Variants in SNX29 observed in about 807,000 individuals in gnomAD.
The protein encoded by SNX29 is sorting nexin-29.
Under a neutral mutation model 102.1 loss-of-function variants are expected in SNX29, and 78 were observed. That is an observed-to-expected ratio of 0.76 (90% CI 0.64 to 0.92). The LOEUF is 0.92. Ranked by LOEUF, SNX29 falls within the 40% of genes least tolerant of loss-of-function variation. SNX29 has a pLI of 0.00. For synonymous variants in SNX29, 580 were observed against 414.5 expected, an observed-to-expected ratio of 1.40 and a Z score of -4.85; for missense variants, 1,280 against 1,061.7, an observed-to-expected ratio of 1.21 and a Z score of -2.86.
At chr16:12,175,389 G>A (rs1324888760) in intron 13 of SNX29, among the ~76,000 whole-genome samples, 2 of 152,140 alleles carry the variant, frequency 1.3e-5, no homozygotes, top group African/African-American at 4.8e-5. Context: ...ATGCCTTTGG[G>A]AGACCATGGC....
At chr16:12,214,305 G>A (rs746840507) in intron 14 of SNX29, among the ~76,000 whole-genome samples, 1 of 152,238 alleles carries the variant, frequency 6.6e-6, no homozygotes, top group South Asian at 2.1e-4. Flanking sequence ...AAGGAGGCCA[G>A]ACGTATATTT....
At chr16:12,308,059 T>C (rs118013536) in intron 15 of SNX29, among the ~76,000 whole-genome samples, 3 of 152,312 alleles carry the variant, frequency 2.0e-5, no homozygotes, top group East Asian at 1.9e-4. Flanking sequence ...ACAGACAGGG[T>C]CTACCTCAGC....
chr16:12,568,579 G>C lies in SNX29; in HGVS notation c.2392G>C (p.Gly798Arg), dbSNP rs780103695. The C allele has an allele frequency of 1.9e-6, 3 of 1,607,232 alleles. No homozygotes were observed. The highest frequency in any genetic ancestry group is 1.1e-5 in the South Asian group (1 of 91,070). ...TTCCCGCTTCCCCAAACTGTCCCGG[G>C]GTCAGCCCCGGGAGACCCGCAACGT... ...AASRFPKLSR[G>R]QPRETRNVEP... is the part of the protein sequence containing the mutation. The change falls in exon 21 of 21, where the codon GGT becomes CGT. Residue 798 changes from glycine (G) to arginine (R), a missense_variant. Gly to Arg is a moderately radical substitution (Grantham distance 125). Coordinates refer to ENST00000566228, the MANE Select transcript of SNX29 (RefSeq NM_032167.5).
intron 20 of SNX29, among the ~76,000 whole-genome samples, chr16:12,549,337 A>C (rs552531753): frequency 1.2e-4 from 18 of 152,328 alleles, no homozygotes; most frequent in African/African-American, 4.1e-4. Context: ...TCTACCAAAA[A>C]TACAAAAATT....
chr16:12,552,129 C>T (rs1172519037), intron 20 of SNX29, among the ~76,000 whole-genome samples: 1 of 152,190 alleles, frequency 6.6e-6, no homozygotes, highest in Non-Finnish European at 1.5e-5. Context: ...TACGGAAATG[C>T]CTGAGAGGCC....
chr16:12,036,764 G>A (rs552642255), intron 4 of SNX29, among the ~76,000 whole-genome samples: 1 of 152,140 alleles, frequency 6.6e-6, no homozygotes, highest in Non-Finnish European at 1.5e-5. Context: ...CTCAGCACCT[G>A]GTGTGTTCTT....
chr16:12,417,982 G>A (rs1425407523), intron 18 of SNX29, among the ~76,000 whole-genome samples: 1 of 152,130 alleles, frequency 6.6e-6, no homozygotes, highest in Non-Finnish European at 1.5e-5. Context: ...TGAGCTCCTG[G>A]GAAGGGGAAG....
chr16:12,558,393 G>A (rs578206621), intron 20 of SNX29, among the ~76,000 whole-genome samples: 4 of 152,302 alleles, frequency 2.6e-5, no homozygotes, highest in African/African-American at 7.2e-5. Flanking sequence ...TACATAGAGT[G>A]ATATGTTAGC....
intron 16 of SNX29, among the ~76,000 whole-genome samples, chr16:12,360,129 C>T (rs1246177725): frequency 6.6e-6 from 1 of 152,162 alleles, no homozygotes. Context: ...TGGCCTAACA[C>T]CTATTGTTAA....
intron 13 of SNX29, among the ~76,000 whole-genome samples, chr16:12,139,079 G>T (rs943997520): frequency 6.6e-6 from 1 of 151,164 alleles, no homozygotes; most frequent in Non-Finnish European, 1.5e-5. Context: ...GTGTGTACCT[G>T]TAATCCCAGC....
chr16:12,033,610 C>CTTT (rs869128492), intron 4 of SNX29, among the ~76,000 whole-genome samples: 1 of 140,116 alleles, frequency 7.1e-6, no homozygotes, highest in Admixed American at 7.2e-5. Flanking sequence ...TTTCTTTTTT[C>CTTT]TTTTTTTTTT....
At chr16:12,348,846 C>G (rs1476968388) in intron 15 of SNX29, among the ~76,000 whole-genome samples, 2 of 152,176 alleles carry the variant, frequency 1.3e-5, no homozygotes, top group Non-Finnish European at 2.9e-5. Flanking sequence ...CCACTCACCT[C>G]CCAGGGGAGT....
At chr16:12,431,464 T>C (rs1001575409) in intron 18 of SNX29, among the ~76,000 whole-genome samples, 1 of 151,980 alleles carries the variant, frequency 6.6e-6, no homozygotes, top group East Asian at 1.9e-4. Flanking sequence ...GTTTTTTTGT[T>C]TTTTTTGCAT....
At position 12,477,627 on chromosome 16, in the gene SNX29, TGC is replaced by T; in HGVS notation, c.2038-91_2038-90del. On this transcript the variant is annotated intron_variant, in intron 18 of 20. Transcript: ENST00000566228. Reference sequence around the variant, plus strand: ...TGTGTGACACAGATGTGACTCTTGCTGCAGTTGGTTTTCATGGGGAAAGCATA... The same window carrying T: ...TGTGTGACACAGATGTGACTCTTGCTAGTTGGTTTTCATGGGGAAAGCATA... 4.1e-6 allele frequency: 6 copies of T among 1,457,936 alleles called. No homozygotes were observed. In the South Asian group the frequency reaches 7.3e-5, roughly 18 times the overall value. The allele number at this position is 1,457,936 out of a possible 1,614,324, so 90.3% of individuals were successfully genotyped here. A position where few individuals can be genotyped will look rare whatever the true frequency, so the allele number is the denominator to read the frequency against.
intron 15 of SNX29, among the ~76,000 whole-genome samples, chr16:12,318,679 G>A (rs1413300670): frequency 6.6e-6 from 1 of 151,748 alleles, no homozygotes; most frequent in Non-Finnish European, 1.5e-5. Flanking sequence ...ATAACAAGAT[G>A]CAGATGAACT....
chr16:12,422,203 C>G (rs563822881), intron 18 of SNX29, among the ~76,000 whole-genome samples: 1 of 152,348 alleles, frequency 6.6e-6, no homozygotes, highest in Admixed American at 6.5e-5. Flanking sequence ...TCCTCTGCCA[C>G]TCAATGGCTG....
intron 20 of SNX29, among the ~76,000 whole-genome samples, chr16:12,550,193 AGAG>A (rs1181796690): frequency 6.6e-6 from 1 of 152,236 alleles, no homozygotes; most frequent in African/African-American, 2.4e-5. Flanking sequence ...ATTATTACTA[AGAG>A]GATAAAGCAT....
chr16:12,243,770 A>G (rs1445282132), intron 14 of SNX29, among the ~76,000 whole-genome samples: 1 of 152,166 alleles, frequency 6.6e-6, no homozygotes, highest in Non-Finnish European at 1.5e-5. Flanking sequence ...ACCCTCTCAG[A>G]GCACCAGGTG....
At position 12,574,170 on chromosome 16, in the gene SNX29, C is replaced by G. The variant is rs988158905; in HGVS notation, c.*5541C>G. The G allele has an allele frequency of 5.6e-6, 1 of 180,138 alleles. No homozygotes were observed. The highest frequency in any genetic ancestry group is 1.2e-5 in the Non-Finnish European group (1 of 84,258). The allele number at this position is 180,138 out of a possible 1,614,324, so 11.2% of individuals were successfully genotyped here. ...ACAAATGTGTTTAATTTTTTAAGATCTCTTGTATTAAAATTTTCTTTTGGA... is the reference window on the plus strand; with the variant it reads ...ACAAATGTGTTTAATTTTTTAAGATGTCTTGTATTAAAATTTTCTTTTGGA... On this transcript the variant is annotated 3_prime_UTR_variant, in exon 21 of 21. Coordinates refer to ENST00000566228, the MANE Select transcript of SNX29 (RefSeq NM_032167.5).
Sources: gnomAD v4.1 joint callset for allele counts (sites outside exome capture counted in the v4.1 genomes callset) on GRCh38, gnomAD v4.1.1 for gene constraint, MANE v1.5 for transcripts, NCBI Gene and HGNC (gene_info 2026-07-23, HGNC 2026-07-21) for gene names.